The following SLC8A1 variants were observed in gnomAD, a reference collection of about 807,000 sequenced individuals.
SLC8A1 encodes the protein solute carrier family 8 member A1.
Under a neutral mutation model 68.3 loss-of-function variants are expected in SLC8A1, and 18 were observed. The ratio of observed to expected loss-of-function variants is 0.26; its 90% confidence interval spans 0.18 to 0.39. The LOEUF (loss-of-function observed/expected upper bound fraction) is 0.39. Among genes scored for constraint, SLC8A1 ranks in the 10% least tolerant of loss-of-function variants. The probability of loss-of-function intolerance (pLI) is 1.00; values close to 1 mark genes in which losing one functional copy is unlikely to be tolerated. For synonymous variants in SLC8A1, 475 were observed against 415.5 expected, an observed-to-expected ratio of 1.14 and a Z score of -1.74; for missense variants, 985 against 1,156.7, an observed-to-expected ratio of 0.85 and a Z score of 2.15.
intron 2 of SLC8A1, among the ~76,000 whole-genome samples, chr2:40,291,846 G>A (rs6756315): frequency 0.011 from 1,734 of 151,504 alleles, 28 homozygotes; most frequent in African/African-American, 0.04. Context: ...AAATTTCACT[G>A]CGAGGTTGAA....
At chr2:40,218,305 A>G (rs2057795969) in intron 2 of SLC8A1, among the ~76,000 whole-genome samples, 1 of 152,196 alleles carries the variant, frequency 6.6e-6, no homozygotes, top group Admixed American at 6.5e-5. Context: ...AATTGCATGT[A>G]ATTACTGTAT....
intron 7 of SLC8A1, among the ~76,000 whole-genome samples, chr2:40,126,262 C>T (rs1034910952): frequency 2.6e-5 from 4 of 152,164 alleles, no homozygotes; most frequent in African/African-American, 4.8e-5. Context: ...TAAAAACATA[C>T]TTTTAAAATG....
chr2:40,430,480 G>A (rs1227442288), intron 1 of SLC8A1, among the ~76,000 whole-genome samples, 176 bp from the exon 2 acceptor site: 1 of 152,246 alleles, frequency 6.6e-6, no homozygotes, highest in Middle Eastern at 3.4e-3. Context: ...GTGAATGATT[G>A]TTCTAAGACT....
At chr2:40,372,707 A>T (rs982671465) in intron 2 of SLC8A1, among the ~76,000 whole-genome samples, 2 of 152,126 alleles carry the variant, frequency 1.3e-5, no homozygotes, top group Non-Finnish European at 2.9e-5. Flanking sequence ...TGTTGAAGAC[A>T]CTTCCAGACT....
chr2:40,425,374 T>C (rs1054373217), intron 2 of SLC8A1, among the ~76,000 whole-genome samples: 1 of 151,844 alleles, frequency 6.6e-6, no homozygotes, highest in African/African-American at 2.4e-5. Context: ...ATCTATCTTG[T>C]TTTTGGAATC....
At chr2:40,378,003 C>T (rs959625882) in intron 2 of SLC8A1, among the ~76,000 whole-genome samples, 11 of 152,110 alleles carry the variant, frequency 7.2e-5, no homozygotes, top group Non-Finnish European at 1.3e-4. Context: ...TTATCCTGTA[C>T]TCTTTGTCAT....
rs1252046336 is a variant in SLC8A1, at chr2:40,227,134, C to T, written c.1809-49279G>A. Among the ~76,000 whole-genome samples the T allele has an allele frequency of 2.0e-5, 3 of 152,008 alleles. No individual in the cohort carries two copies. The South Asian group carries it at 6.2e-4, about 31-fold the overall frequency. ...AAAGTTCTGATCTTTTCTTAGAACT[C>T]TTTATATAACAAGGAACTAATATTT... On this transcript the variant is annotated intron_variant, in intron 2 of 7. Coordinates refer to ENST00000406785, the Ensembl canonical transcript of SLC8A1.
chr2:40,460,577 T>C lies in SLC8A1; in HGVS notation c.-24-30273A>G, dbSNP rs6544341. Among the ~76,000 whole-genome samples, 815 of 117,760 alleles carry C rather than the reference T, an allele frequency of 6.9e-3. 6 individuals carry two copies. The highest frequency in any genetic ancestry group is 0.025 in the African/African-American group (776 of 31,156). The allele number at this position is 117,760 out of a possible 152,430, so 77.3% of individuals were successfully genotyped here. ...AGGTAAAATCAGACTGTAAGTATTT[T>C]TTAATTTTTTTTTTTTTTTTGAGAC... On this transcript the variant is annotated intron_variant, in intron 1 of 7. Transcript: ENST00000402441.
chr2:40,394,579 T>C (rs376322946), intron 2 of SLC8A1, among the ~76,000 whole-genome samples: 89 of 152,164 alleles, frequency 5.8e-4, no homozygotes, highest in African/African-American at 1.9e-3. Context: ...ATATAGTGGA[T>C]GCCTACTACA....
intron 2 of SLC8A1, chr2:40,189,934 G>T (rs890612737): frequency 2.0e-5 from 3 of 152,040 alleles, no homozygotes; most frequent in African/African-American, 7.2e-5. Context: ...GGAAGTTCTT[G>T]TCTGAATTCT....
intron 6 of SLC8A1, among the ~76,000 whole-genome samples, chr2:40,148,821 T>A (rs750006353): frequency 6.6e-6 from 1 of 152,218 alleles, no homozygotes; most frequent in African/African-American, 2.4e-5. Context: ...TGAGGGAAAT[T>A]AGCTGATTGG....
intron 2 of SLC8A1, chr2:40,178,405 C>T: frequency 6.2e-7 from 1 of 1,613,908 alleles, no homozygotes; most frequent in South Asian, 1.1e-5. Context: ...TCACTCATCT[C>T]CACCAGGCGG....
intron 2 of SLC8A1, among the ~76,000 whole-genome samples, chr2:40,408,955 C>A (rs1691264841): frequency 6.6e-6 from 1 of 151,952 alleles, no homozygotes; most frequent in Non-Finnish European, 1.5e-5. Context: ...ACAAAATTTT[C>A]TCGGTAACTG....
At chr2:40,411,655 G>A (rs765252301) in intron 2 of SLC8A1, among the ~76,000 whole-genome samples, 2 of 151,996 alleles carry the variant, frequency 1.3e-5, no homozygotes, top group Non-Finnish European at 1.5e-5. Context: ...TAAATAAATT[G>A]TATTCATTTA....
At chr2:40,292,248 C>G (rs144960818) in intron 2 of SLC8A1, among the ~76,000 whole-genome samples, 5 of 152,204 alleles carry the variant, frequency 3.3e-5, no homozygotes, top group African/African-American at 1.2e-4. Context: ...CTTTTGTACC[C>G]CTGATGCTAA....
At chr2:40,120,925 T>C (rs978263277) in intron 7 of SLC8A1, 1 of 152,228 alleles carries the variant, frequency 6.6e-6, no homozygotes, top group Non-Finnish European at 1.5e-5. Flanking sequence ...TTAATAGTGT[T>C]AGAAGTACCT....
At chr2:40,452,416 C>G (rs897230117), upstream of SLC8A1, among the ~76,000 whole-genome samples, 20 of 152,260 alleles carry the variant, frequency 1.3e-4, no homozygotes, top group African/African-American at 4.6e-4. Flanking sequence ...CTCTCGGCCC[C>G]GCAGTGCGTT....
chr2:40,222,679 A>T (rs919053282), intron 2 of SLC8A1, among the ~76,000 whole-genome samples: 1 of 152,220 alleles, frequency 6.6e-6, no homozygotes, highest in African/African-American at 2.4e-5. Context: ...TTTACAAGAA[A>T]AAAACAGCCC....
At chr2:40,281,477 T>C (rs13383688) in intron 2 of SLC8A1, among the ~76,000 whole-genome samples, 15,335 of 152,260 alleles carry the variant, frequency 0.1, 1,257 homozygotes, top group African/African-American at 0.22. Context: ...CAAGAATAGC[T>C]ACAAAGTGGC....
Sources: allele counts gnomAD v4.1 joint callset (sites outside exome capture counted in the v4.1 genomes callset), GRCh38; gene constraint gnomAD v4.1.1; transcripts MANE v1.5; gene names NCBI Gene and HGNC (gene_info 2026-07-23, HGNC 2026-07-21).